The following GDPD2 variants were observed in gnomAD, a reference collection of about 807,000 sequenced individuals.
GDPD2 encodes glycerophosphodiester phosphodiesterase domain containing 2.
A neutral mutation model predicts 49.2 loss-of-function variants in GDPD2; 23 were observed. That is an observed-to-expected ratio of 0.47 (90% CI 0.34 to 0.66). The LOEUF is 0.66. GDPD2 is among the 30% of genes least tolerant of loss of function. The pLI is 0.01. For missense variants in GDPD2, 338 were observed against 424.7 expected (o/e 0.80, Z 1.79); for synonymous variants, 167 against 171.4 (o/e 0.97, Z 0.20).
rs769578225 is a variant in GDPD2 at position 70,426,656 on chromosome X, C to G, written c.471C>G (p.Ala157=). The G allele has an allele frequency of 4.2e-6, 5 of 1,202,884 alleles. No homozygotes were observed. Among genetic ancestry groups the G allele is most frequent in the Non-Finnish European group, 1.1e-6 (1 of 888,495 alleles). ...HSLRVSLQAT[A]PFLHIGAAAG... ...CCAGCTCTTGTCCACAGGCCACAGC[C>G]CCATTCCTTCATATTGGAGCAGCCG... is the stretch of plus-strand genomic sequence containing the variant. The change falls in exon 7 of 16, where the codon GCC becomes GCG. Residue 157 remains alanine (A), a synonymous_variant. Transcript: ENST00000374382.
intron 14 of GDPD2, 29 bp downstream of exon 14, chrX:70,432,690 G>A: frequency 1.9e-6 from 2 of 1,070,572 alleles, no homozygotes; most frequent in Non-Finnish European, 2.6e-6. Context: ...AGCTTTCTGG[G>A]TCCTTACTTT....
chrX:70,429,341 G>T (rs1274771688), intron 10 of GDPD2, 152 bp from the exon 11 acceptor site: 2 of 445,869 alleles, frequency 4.5e-6, no homozygotes, highest in African/African-American at 5.0e-5. Flanking sequence ...GATGGTAGAC[G>T]GTCTGGAAGA....
chrX:70,431,159 G>A (rs1052566347), intron 12 of GDPD2: 5 of 1,084,882 alleles, frequency 4.6e-6, no homozygotes, highest in Non-Finnish European at 6.2e-6. Flanking sequence ...TATCACCAAA[G>A]AGGAAGACAT....
In GDPD2 at chrX:70,427,340, T is replaced by C. The variant is rs150354082; in HGVS notation, c.813T>C (p.His271=). 5.0e-6 allele frequency: 6 copies of C among 1,210,569 alleles called. No homozygotes were observed. Among genetic ancestry groups the C allele is most frequent in the Non-Finnish European group, 6.7e-6 (6 of 894,585 alleles). The change falls in exon 10 of 16, where the codon CAT becomes CAC. Residue 271 remains histidine, a synonymous_variant. Transcript: ENST00000374382. ...VSSDGVPFLM[H]DEHLSRTTNV... is the part of the protein sequence containing the mutation. Reference sequence around the variant, plus strand: ...CCGATGGGGTCCCCTTCCTCATGCATGATGAGCACCTCAGCAGGACCACGA... The same window carrying C: ...CCGATGGGGTCCCCTTCCTCATGCACGATGAGCACCTCAGCAGGACCACGA...
chrX:70,429,497 G>C lies in GDPD2; in HGVS notation c.941G>C (p.Arg314Pro). 1 of 1,185,591 alleles carries C rather than the reference G, an allele frequency of 8.4e-7. No homozygotes were observed. Among genetic ancestry groups the C allele is most frequent in the Non-Finnish European group, 1.1e-6 (1 of 873,790 alleles). The change falls in exon 11 of 16, where the codon CGA becomes CCA. Residue 314 changes from arginine (R) to proline (P), a missense_variant. Coordinates refer to ENST00000374382, the MANE Select transcript of GDPD2 (RefSeq NM_017711.4). ...AATAATTGTTCTTTCTTATAGAGGC[G>C]ACCCTTCTGGGGGGCCAAACCGCTG... is the stretch of plus-strand genomic sequence containing the variant. Reference protein sequence around the residue: ...LNAGSWFLERRPFWGAKPLAG... With the variant: ...LNAGSWFLERPPFWGAKPLAG...
At chrX:70,429,807 G>A (rs774966799) in intron 11 of GDPD2, 93 bp downstream of exon 11, 1 of 1,071,474 alleles carries the variant, frequency 9.3e-7, no homozygotes, top group East Asian at 3.0e-5. Flanking sequence ...CCAGGGCCCT[G>A]CCCCAGCTCA....
chrX:70,427,434 A>C lies in GDPD2; in HGVS notation c.907A>C (p.Arg303=). 8.3e-7 allele frequency: 1 copy of C among 1,210,432 alleles called. No homozygotes were observed. Among genetic ancestry groups the C allele is most frequent in the South Asian group, 1.8e-5 (1 of 56,885 alleles). Residue 303 remains arginine (R), a synonymous_variant, in exon 10 of 16, where the codon AGA becomes CGA. Transcript: ENST00000374382. ...SSDFSWTELK[R]LNAGSWFLER... is the part of the protein sequence containing the mutation. ...TGACTTCTCCTGGACTGAACTGAAG[A>C]GACTCAATGCTGGATCCTGGTTCCT...
intron 3 of GDPD2, 31 bp from the exon 4 acceptor site, chrX:70,425,732 C>G (rs753131585): frequency 2.0e-5 from 18 of 898,597 alleles, no homozygotes; most frequent in Non-Finnish European, 2.8e-5. Flanking sequence ...CCCCTTCCCC[C>G]ACTTGGACAC....
At chrX:70,425,657 C>G in intron 3 of GDPD2, 106 bp from the exon 4 acceptor site, 1 of 575,643 alleles carries the variant, frequency 1.7e-6, no homozygotes, top group Non-Finnish European at 3.1e-6. Flanking sequence ...GAGGGGCTTT[C>G]TCCTCACTCC....
At chrX:70,432,961 C>T (rs1197213449) in intron 15 of GDPD2, 21 bp downstream of exon 15, 1 of 1,178,629 alleles carries the variant, frequency 8.5e-7, no homozygotes, top group African/African-American at 1.8e-5. Flanking sequence ...TCTCCCCTCA[C>T]CTCATGTTTC....
intron 11 of GDPD2, 96 bp from the exon 12 acceptor site, chrX:70,429,819 A>C (rs142847810): frequency 9.1e-7 from 1 of 1,093,405 alleles, no homozygotes; most frequent in Non-Finnish European, 1.3e-6. Context: ...CCCAGCTCAC[A>C]TACCCCATTC....
At position 70,426,476 on chromosome X, in the gene GDPD2, G is replaced by T. The variant is rs1446100827; in HGVS notation, c.462+7G>T. ...CTTGCGTGTGTCACTGCAGGTGAGT[G>T]GCCAACCTCCAGTGTCTAGACGGGA... On this transcript the variant is annotated splice_region_variant and intron_variant, in intron 6 of 15. Coordinates refer to ENST00000374382, the MANE Select transcript of GDPD2 (RefSeq NM_017711.4). The T allele has an allele frequency of 8.4e-7, 1 of 1,189,009 alleles. No individual in the cohort carries two copies. Among genetic ancestry groups the T allele is most frequent in the Admixed American group, 2.2e-5 (1 of 45,834 alleles).
chrX:70,426,813 C>T, intron 7 of GDPD2, 53 bp from the exon 8 acceptor site: 1 of 1,190,321 alleles, frequency 8.4e-7, no homozygotes. Context: ...GCCTTCCATC[C>T]CCAGAGCTCT....
intron 10 of GDPD2, 102 bp downstream of exon 10, chrX:70,427,565 T>A (rs1248748260): frequency 1.5e-6 from 1 of 680,386 alleles, no homozygotes; most frequent in Non-Finnish European, 2.2e-6. Context: ...TGCTAGGCAA[T>A]AAGAACATAG....
intron 3 of GDPD2, 57 bp from the exon 4 acceptor site, chrX:70,425,706 C>T: frequency 1.5e-6 from 1 of 680,263 alleles, no homozygotes; most frequent in African/African-American, 2.1e-5. Flanking sequence ...CACCTCCCCT[C>T]AGGCCACTAT....
Position 70,426,410 on chromosome X carries a change from C to T in GDPD2, c.403C>T (p.Leu135Phe). The T allele has an allele frequency of 8.3e-7, 1 of 1,211,791 alleles. No homozygotes were observed. Among genetic ancestry groups the T allele is most frequent in the Non-Finnish European group, 1.1e-6 (1 of 895,353 alleles). The change falls in exon 6 of 16, where the codon CTT (leucine) becomes TTT (phenylalanine). Residue 135 changes from leucine (L) to phenylalanine (F), a missense_variant. Transcript: ENST00000374382. The part of the protein sequence containing the change: ...LLIMLLVAAG[L>F]VGLDIQWQQE... ...CATTATGCTGCTTGTGGCGGCTGGC[C>T]TTGTGGGACTGGACATCCAATGGCA... is the stretch of plus-strand genomic sequence containing the variant.
At chrX:70,426,008 T>C in intron 4 of GDPD2, 44 bp from the exon 5 acceptor site, 1 of 1,123,008 alleles carries the variant, frequency 8.9e-7, no homozygotes, top group African/African-American at 1.8e-5. Flanking sequence ...GTAACCTTGC[T>C]CCCCTCTTGG....
chrX:70,432,941 G>A lies in GDPD2; in HGVS notation c.1567+1G>A, dbSNP rs757397929. ...TTTGTTAAGAAGAGAGGGAAAACTG[G>A]TAAGAACTTTCTCCCCTCACCTCAT... On this transcript the variant is annotated splice_donor_variant, in intron 15 of 15. Coordinates refer to ENST00000374382, the MANE Select transcript of GDPD2 (RefSeq NM_017711.4). LOFTEE classifies it high-confidence loss of function. 1 of 1,192,954 alleles carries A rather than the reference G, an allele frequency of 8.4e-7. No homozygotes were observed. The highest frequency in any genetic ancestry group is 1.8e-5 in the South Asian group (1 of 56,409).
chrX:70,432,188 G>T, intron 12 of GDPD2, 119 bp from the exon 13 acceptor site: 1 of 564,493 alleles, frequency 1.8e-6, no homozygotes, highest in Non-Finnish European at 2.9e-6. Flanking sequence ...CTATGGAAAG[G>T]CAGAGCTGAT....
Sources: gnomAD v4.1 joint callset for allele counts on GRCh38, gnomAD v4.1.1 for gene constraint, MANE v1.5 for transcripts, NCBI Gene and HGNC (gene_info 2026-07-23, HGNC 2026-07-21) for gene names.